Variants in SLC1A7 observed in about 807,000 individuals in gnomAD.
The protein encoded by SLC1A7 is excitatory amino acid transporter 5.
In SLC1A7, 40 loss-of-function variants were observed where a neutral mutation model predicts 47.7. The ratio of observed to expected loss-of-function variants is 0.84; its 90% confidence interval spans 0.65 to 1.09. SLC1A7 has a LOEUF of 1.09. Among genes scored for constraint, SLC1A7 ranks in the 50% least tolerant of loss-of-function variants. The pLI is 0.00. For synonymous variants in SLC1A7, 323 were observed against 325.6 expected, an observed-to-expected ratio of 0.99 and a Z score of 0.09; for missense variants, 746 against 769.5, an observed-to-expected ratio of 0.97 and a Z score of 0.36.
chr1:53,130,300 A>C (rs1014860892), intron 2 of SLC1A7, among the ~76,000 whole-genome samples: 2 of 152,062 alleles, frequency 1.3e-5, no homozygotes, highest in African/African-American at 4.8e-5. Context: ...AGGAGTGTGG[A>C]GATAGACCCT....
chr1:53,106,202 C>T lies in SLC1A7; in HGVS notation c.432-428G>A, dbSNP rs573014587. Among the ~76,000 whole-genome samples the T allele has an allele frequency of 6.0e-4, 91 of 152,132 alleles. 1 individual carries two copies. The highest frequency in any genetic ancestry group is 2.0e-3 in the African/African-American group (85 of 41,484). On this transcript the variant is annotated intron_variant, in intron 3 of 10. Coordinates refer to ENST00000371494, the MANE Select transcript of SLC1A7 (RefSeq NM_006671.6). ...CTGTCTGCCTCCCCCATATAGTGGCCGCCTTGCAGGTGGGACTTGGTTGTT... is the reference window on the plus strand; with the variant it reads ...CTGTCTGCCTCCCCCATATAGTGGCTGCCTTGCAGGTGGGACTTGGTTGTT...
chr1:53,095,011 G>C (rs547040862), intron 5 of SLC1A7, among the ~76,000 whole-genome samples: 1 of 152,262 alleles, frequency 6.6e-6, no homozygotes, highest in Admixed American at 6.5e-5. Flanking sequence ...GCAGACACTG[G>C]TATCTGCACC....
chr1:53,142,044 TGTTTGTCATCATGAG>T (rs1467218149), intron 1 of SLC1A7, among the ~76,000 whole-genome samples: 1 of 152,144 alleles, frequency 6.6e-6, no homozygotes, highest in African/African-American at 2.4e-5. Flanking sequence ...CTTGGCCCTG[TGTTTGTCATCATGAG>T]GCACCCTCGC....
At position 53,136,649 on chromosome 1, in the gene SLC1A7, ATATT is replaced by A. The variant is rs368547939; in HGVS notation, c.136-2224_136-2221del. On this transcript the variant is annotated intron_variant, in intron 1 of 10. Transcript: ENST00000371494. ...ATATATAATATATAAAAACATATATATATTATATATATATATATTTTTTTTTTTT... is the reference window on the plus strand; with the variant it reads ...ATATATAATATATAAAAACATATATAATATATATATATATTTTTTTTTTTT... 2.6e-3 allele frequency among the ~76,000 whole-genome samples: 231 copies of A among 88,638 alleles called. 2 individuals are homozygous for A. Among genetic ancestry groups the A allele is most frequent in the Non-Finnish European group, 4.0e-3 (193 of 47,716 alleles). The allele number at this position is 88,638 out of a possible 152,430, so 58.1% of individuals were successfully genotyped here.
chr1:53,096,372 T>A (rs527847412), intron 5 of SLC1A7, among the ~76,000 whole-genome samples: 184 of 128,648 alleles, frequency 1.4e-3, no homozygotes, highest in Middle Eastern at 5.4e-3. Flanking sequence ...CTTGGTACAC[T>A]CACACATCCC....
At chr1:53,139,681 TAA>T (rs1416106088) in intron 1 of SLC1A7, among the ~76,000 whole-genome samples, 1 of 152,250 alleles carries the variant, frequency 6.6e-6, no homozygotes, top group Non-Finnish European at 1.5e-5. Flanking sequence ...TTCCACAGAC[TAA>T]GATTCCAGCT....
intron 2 of SLC1A7, among the ~76,000 whole-genome samples, chr1:53,125,025 G>GGCCT (rs1403114458): frequency 6.6e-6 from 1 of 152,212 alleles, no homozygotes; most frequent in African/African-American, 2.4e-5. Context: ...AGTGACAAGT[G>GGCCT]GCCTGCTCGG....
At chr1:53,121,928 G>A (rs1389888949) in intron 2 of SLC1A7, among the ~76,000 whole-genome samples, 5 of 152,156 alleles carry the variant, frequency 3.3e-5, no homozygotes, top group Admixed American at 3.3e-4. Context: ...CATTGAGAAA[G>A]GGACGGGGCG....
At chr1:53,136,062 C>T (rs1001868701) in intron 1 of SLC1A7, among the ~76,000 whole-genome samples, 2 of 151,524 alleles carry the variant, frequency 1.3e-5, no homozygotes. Flanking sequence ...CAATGTTAAC[C>T]GCAGCACAGG....
chr1:53,095,333 C>T (rs1421224142), intron 5 of SLC1A7, among the ~76,000 whole-genome samples: 2 of 150,814 alleles, frequency 1.3e-5, no homozygotes, highest in Non-Finnish European at 3.0e-5. Context: ...CAGAGATGCA[C>T]GTGCACACAG....
At chr1:53,097,787 C>T (rs150994930) in intron 5 of SLC1A7, among the ~76,000 whole-genome samples, 10 of 151,820 alleles carry the variant, frequency 6.6e-5, no homozygotes, top group African/African-American at 2.2e-4. Context: ...AGTACACTCA[C>T]ACACACCGCC....
At chr1:53,124,312 C>A (rs1289935440) in intron 2 of SLC1A7, among the ~76,000 whole-genome samples, 1 of 151,952 alleles carries the variant, frequency 6.6e-6, no homozygotes, top group African/African-American at 2.4e-5. Context: ...CAGACAAACC[C>A]ACACCCACGC....
At chr1:53,098,201 A>C (rs993777172) in intron 5 of SLC1A7, among the ~76,000 whole-genome samples, 1 of 130,764 alleles carries the variant, frequency 7.6e-6, no homozygotes. Flanking sequence ...TCAATACACA[A>C]ACATGCCCCA....
intron 1 of SLC1A7, among the ~76,000 whole-genome samples, chr1:53,139,670 C>T (rs911440302): frequency 5.3e-5 from 8 of 152,256 alleles, no homozygotes; most frequent in African/African-American, 1.9e-4. Context: ...TTGGTATCAA[C>T]TTCCACAGAC....
chr1:53,093,049 A>G (rs371215264), intron 6 of SLC1A7, among the ~76,000 whole-genome samples: 47 of 152,086 alleles, frequency 3.1e-4, no homozygotes, highest in African/African-American at 9.4e-4. Context: ...CAACAACGCC[A>G]GAGTCTACAC....
At chr1:53,097,487 A>C (rs1479255229) in intron 5 of SLC1A7, among the ~76,000 whole-genome samples, 2 of 150,370 alleles carry the variant, frequency 1.3e-5, no homozygotes, top group Non-Finnish European at 3.0e-5. Context: ...GCCTCAGTAC[A>C]CTCACACACC....
At chr1:53,115,044 G>A in intron 2 of SLC1A7, 71 bp from the exon 3 acceptor site, 1 of 1,175,302 alleles carries the variant, frequency 8.5e-7, no homozygotes. Flanking sequence ...CGCTCACTCA[G>A]CCCCTCCTGG....
intron 7 of SLC1A7, among the ~76,000 whole-genome samples, 160 bp downstream of exon 7, chr1:53,092,394 C>T (rs797006308): frequency 4.6e-5 from 7 of 152,382 alleles, no homozygotes; most frequent in South Asian, 2.1e-4. Context: ...AAGTCCCCCA[C>T]GTCAGTCTTG....
chr1:53,129,492 C>CTGCA (rs1553164855), intron 2 of SLC1A7, among the ~76,000 whole-genome samples: 2 of 112,372 alleles, frequency 1.8e-5, no homozygotes, highest in Admixed American at 1.8e-4. Context: ...CAAGCGTGGG[C>CTGCA]TGCACTCAGT....
Sources: allele counts gnomAD v4.1 joint callset (sites outside exome capture counted in the v4.1 genomes callset), GRCh38; gene constraint gnomAD v4.1.1; transcripts MANE v1.5; gene names NCBI Gene and HGNC (gene_info 2026-07-23, HGNC 2026-07-21).